The following DIAPH2 variants were observed in gnomAD, a reference collection of about 807,000 sequenced individuals.
DIAPH2 encodes protein diaphanous homolog 2.
DIAPH2 carries 35 observed loss-of-function variants against 92.7 expected under a neutral mutation model. The observed-to-expected ratio is 0.38, with a 90% CI of 0.29 to 0.50. The LOEUF (loss-of-function observed/expected upper bound fraction) is 0.50. Among genes scored for constraint, DIAPH2 ranks in the 20% least tolerant of loss-of-function variants. The pLI, the probability that DIAPH2 is intolerant of heterozygous loss-of-function variation, is 0.94. For synonymous variants in DIAPH2, 301 were observed against 280.4 expected, an observed-to-expected ratio of 1.07 and a Z score of -0.73; for missense variants, 701 against 819.5, an observed-to-expected ratio of 0.86 and a Z score of 1.77.
At chrX:97,315,810 A>T (rs969444282) in intron 23 of DIAPH2, among the ~76,000 whole-genome samples, 2 of 110,791 alleles carry the variant, frequency 1.8e-5, no homozygotes, top group African/African-American at 6.6e-5. Flanking sequence ...CTCAATTTTG[A>T]TCTTCATTTT....
intron 12 of DIAPH2, among the ~76,000 whole-genome samples, chrX:96,940,334 G>A (rs1476236400): frequency 8.9e-6 from 1 of 111,952 alleles, no homozygotes; most frequent in African/African-American, 3.3e-5. Flanking sequence ...AACCATTAAA[G>A]TTAAAAGTTT....
chrX:97,030,827 C>G (rs1292649919), intron 17 of DIAPH2, among the ~76,000 whole-genome samples: 2 of 111,693 alleles, frequency 1.8e-5, no homozygotes, highest in African/African-American at 6.5e-5. Context: ...ACTATGAAAA[C>G]ACAATAGTGT....
intron 5 of DIAPH2, among the ~76,000 whole-genome samples, chrX:96,895,170 A>AT (rs1360880524): frequency 2.8e-5 from 3 of 108,243 alleles, no homozygotes; most frequent in Non-Finnish European, 5.7e-5. Flanking sequence ...CACCTGGCTA[A>AT]TTTTTTCTAT....
At chrX:97,111,766 T>A (rs1459815421) in intron 20 of DIAPH2, among the ~76,000 whole-genome samples, 1 of 111,671 alleles carries the variant, frequency 9.0e-6, no homozygotes, top group African/African-American at 3.3e-5. Flanking sequence ...CAGTGTGGGG[T>A]AGCGGTTGAG....
At chrX:97,300,665 G>C (rs1333779210) in intron 23 of DIAPH2, among the ~76,000 whole-genome samples, 1 of 101,869 alleles carries the variant, frequency 9.8e-6, no homozygotes, top group African/African-American at 3.5e-5. Context: ...GGGCGCGGTG[G>C]CTCACGCCTG....
intron 19 of DIAPH2, among the ~76,000 whole-genome samples, chrX:97,078,163 A>G (rs1468272092): frequency 8.9e-6 from 1 of 112,001 alleles, no homozygotes; most frequent in African/African-American, 3.2e-5. Context: ...GAAGGGAAAA[A>G]TAAAAGTATG....
chrX:97,558,463 T>C (rs1364610217), intron 26 of DIAPH2, among the ~76,000 whole-genome samples: 1 of 111,339 alleles, frequency 9.0e-6, no homozygotes, highest in Non-Finnish European at 1.9e-5. Context: ...CCGTGTGGTT[T>C]TGGTTAGGAT....
intron 26 of DIAPH2, chrX:97,469,672 CTT>C (rs1397221982): frequency 2.5e-6 from 3 of 1,196,170 alleles, no homozygotes; most frequent in South Asian, 1.8e-5. Flanking sequence ...TAATTTTTCT[CTT>C]TATTTCTTCT....
rs1248842689 is a variant in DIAPH2 at position 96,916,422 on chromosome X, T to TTTC, written c.733-14_733-13insCTT. The TTTC allele has an allele frequency of 3.7e-6, 4 of 1,083,014 alleles. No individual in the cohort carries two copies. The highest frequency in any genetic ancestry group is 2.7e-5 in the South Asian group (1 of 37,026). 89.3% of individuals were successfully genotyped at this position (1,083,014 alleles called of 1,213,427 possible). ...CATAGACATTCTGAATGAAGGTTTT[T>TTTC]TTTTTTTTTTTTTAGTTTGGATTAC... On this transcript the variant is annotated splice_polypyrimidine_tract_variant and intron_variant, in intron 7 of 26. Transcript: ENST00000324765.
chrX:96,848,012 T>C (rs976762367), intron 4 of DIAPH2, among the ~76,000 whole-genome samples: 1 of 111,583 alleles, frequency 9.0e-6, no homozygotes, highest in Non-Finnish European at 1.9e-5. Context: ...GGTTAGTAAT[T>C]CATTTTTATT....
intron 26 of DIAPH2, among the ~76,000 whole-genome samples, chrX:97,587,469 T>C (rs2071486793): frequency 9.0e-6 from 1 of 111,556 alleles, no homozygotes; most frequent in Non-Finnish European, 1.9e-5. Flanking sequence ...GAAAAATAAG[T>C]AAATAGTTAT....
At chrX:97,367,953 G>T (rs1228838043) in intron 24 of DIAPH2, among the ~76,000 whole-genome samples, 1 of 111,715 alleles carries the variant, frequency 9.0e-6, no homozygotes, top group Non-Finnish European at 1.9e-5. Flanking sequence ...TGATCCGAGT[G>T]CCTCGCTTCG....
Position 97,254,584 on chromosome X carries a change from T to C in DIAPH2, c.2844+6745T>C, listed in dbSNP as rs1186103288. Among the ~76,000 whole-genome samples the C allele has an allele frequency of 3.6e-5, 4 of 109,846 alleles. No individual in the cohort carries two copies. The East Asian group carries it at 1.1e-3, about 31-fold the overall frequency. ...TTGTCACTGTTTAGTTAATGTCATATGCCAGCCATTATGCTAGGAATATCT... is the reference window on the plus strand; with the variant it reads ...TTGTCACTGTTTAGTTAATGTCATACGCCAGCCATTATGCTAGGAATATCT... On this transcript the variant is annotated intron_variant, in intron 23 of 26. Coordinates refer to ENST00000324765, the MANE Select transcript of DIAPH2 (RefSeq NM_006729.5).
At chrX:96,753,739 A>G (rs1032375086) in intron 3 of DIAPH2, among the ~76,000 whole-genome samples, 1 of 112,192 alleles carries the variant, frequency 8.9e-6, no homozygotes, top group Non-Finnish European at 1.9e-5. Flanking sequence ...CAGGCTCTAG[A>G]TAACATTATA....
At chrX:97,427,390 T>C (rs1039500918) in intron 25 of DIAPH2, among the ~76,000 whole-genome samples, 11 of 111,394 alleles carry the variant, frequency 9.9e-5, no homozygotes, top group Non-Finnish European at 2.1e-4. Context: ...CTTCCAGCTA[T>C]TGAGCAAAGA....
At chrX:96,884,053 C>G in intron 5 of DIAPH2, 1 of 308,209 alleles carries the variant, frequency 3.2e-6, no homozygotes. Flanking sequence ...CACTGACACA[C>G]AGGGAAGGAT....
chrX:96,693,035 G>A (rs1279555417), intron 1 of DIAPH2, among the ~76,000 whole-genome samples: 1 of 112,110 alleles, frequency 8.9e-6, no homozygotes, highest in East Asian at 2.8e-4. Flanking sequence ...CTAATGAGGT[G>A]ATGGAGCTGG....
chrX:96,861,734 C>T (rs1304229538), intron 4 of DIAPH2, among the ~76,000 whole-genome samples: 2 of 112,087 alleles, frequency 1.8e-5, no homozygotes, highest in Non-Finnish European at 3.8e-5. Flanking sequence ...AGCATCTGCT[C>T]CCCAGCAAAT....
At chrX:96,985,511 C>T (rs1390746683) in intron 17 of DIAPH2, among the ~76,000 whole-genome samples, 1 of 109,558 alleles carries the variant, frequency 9.1e-6, no homozygotes, top group Non-Finnish European at 1.9e-5. Context: ...ATTGATACGG[C>T]TATATAAACA....
Sources: gnomAD v4.1 joint callset for allele counts (sites outside exome capture counted in the v4.1 genomes callset) on GRCh38, gnomAD v4.1.1 for gene constraint, MANE v1.5 for transcripts, NCBI Gene and HGNC (gene_info 2026-07-23, HGNC 2026-07-21) for gene names.